The following FGD3 variants were observed in gnomAD, a reference collection of about 807,000 sequenced individuals.
FGD3 encodes FYVE, RhoGEF and PH domain containing 3, also known as FYVE, RhoGEF and PH domain-containing protein 3.
Under a neutral mutation model 71.8 loss-of-function variants are expected in FGD3, and 45 were observed. That is an observed-to-expected ratio of 0.63 (90% CI 0.49 to 0.80). The LOEUF is 0.80. Ranked by LOEUF, FGD3 falls within the 30% of genes least tolerant of loss-of-function variation. The probability of loss-of-function intolerance (pLI) is 0.00; values close to 1 mark genes in which losing one functional copy is unlikely to be tolerated. For missense variants in FGD3, 844 were observed against 951.5 expected (o/e 0.89, Z 1.49); for synonymous variants, 378 against 392.8 (o/e 0.96, Z 0.44).
intron 9 of FGD3, among the ~76,000 whole-genome samples, 171 bp downstream of exon 9, chr9:93,014,169 G>C (rs1371599829): frequency 1.3e-5 from 2 of 152,084 alleles, no homozygotes; most frequent in Non-Finnish European, 2.9e-5. Context: ...CCAGCCATAG[G>C]GAGCCTCCCT....
chr9:92,972,203 C>T (rs1266615110), intron 1 of FGD3, among the ~76,000 whole-genome samples: 1 of 151,776 alleles, frequency 6.6e-6, no homozygotes, highest in Non-Finnish European at 1.5e-5. Flanking sequence ...AATCCCAGCA[C>T]TTTGGGAGGC....
intron 5 of FGD3, 32 bp downstream of exon 5, chr9:93,004,169 C>T (rs781598786): frequency 6.2e-7 from 1 of 1,610,614 alleles, no homozygotes; most frequent in East Asian, 2.2e-5. Context: ...CCATGGGGCC[C>T]CTCAAGTGTT....
At chr9:92,977,978 A>C (rs1859830656) in intron 3 of FGD3, among the ~76,000 whole-genome samples, 1 of 152,174 alleles carries the variant, frequency 6.6e-6, no homozygotes, top group Non-Finnish European at 1.5e-5. Context: ...CACACCATAC[A>C]CTTAAAGAAT....
intron 14 of FGD3, among the ~76,000 whole-genome samples, chr9:93,027,481 C>A (rs1238950619): frequency 1.3e-5 from 2 of 152,044 alleles, no homozygotes; most frequent in African/African-American, 4.8e-5. Flanking sequence ...ATAAAGACAC[C>A]AGTAAGATTG....
intron 1 of FGD3, among the ~76,000 whole-genome samples, chr9:92,960,496 C>A (rs969615911): frequency 3.9e-5 from 6 of 152,140 alleles, no homozygotes; most frequent in Non-Finnish European, 7.4e-5. Context: ...GGTAAGATGG[C>A]TTCCCTGAAA....
chr9:93,032,936 C>T (rs756975581), intron 16 of FGD3, 63 bp downstream of exon 16: 16 of 1,452,662 alleles, frequency 1.1e-5, no homozygotes, highest in Non-Finnish European at 1.5e-5. Context: ...ACACCTGCTC[C>T]TGTGCCCCAG....
chr9:92,952,855 C>T (rs1001583649), intron 1 of FGD3, among the ~76,000 whole-genome samples: 7 of 152,192 alleles, frequency 4.6e-5, no homozygotes, highest in Non-Finnish European at 4.4e-5. Context: ...CTTCTTCCCC[C>T]GAGGTCCTCC....
intron 3 of FGD3, among the ~76,000 whole-genome samples, chr9:92,982,377 C>T (rs1860029525): frequency 6.6e-6 from 1 of 152,180 alleles, no homozygotes; most frequent in Non-Finnish European, 1.5e-5. Flanking sequence ...TCCTTATTCA[C>T]TCATCTGTTG....
chr9:93,035,279 G>A, intron 17 of FGD3, 59 bp from the exon 18 acceptor site: 2 of 1,566,122 alleles, frequency 1.3e-6, no homozygotes, highest in East Asian at 2.3e-5. Flanking sequence ...CCCCATCACT[G>A]AGGTGAGCCC....
rs143800227 is a variant in FGD3 at position 93,034,146 on chromosome 9, GGT to G, written c.1786-381_1786-380del. 2.4e-3 allele frequency: 382 copies of G among 161,466 alleles called. 2 individuals carry two copies. Among genetic ancestry groups the G allele is most frequent in the African/African-American group, 7.4e-3 (311 of 41,802 alleles). 10.0% of individuals were successfully genotyped at this position (161,466 alleles called of 1,614,324 possible). ...TGACAGAGGGAGGGCCTGTGTGTGT[GGT>G]GTGTGTGTGTGTGCTGTGTGTGCAC... On this transcript the variant is annotated intron_variant, in intron 16 of 17. Transcript: ENST00000375482.
intron 13 of FGD3, 53 bp downstream of exon 13, chr9:93,020,477 G>A (rs772962603): frequency 5.3e-6 from 8 of 1,517,702 alleles, no homozygotes; most frequent in Non-Finnish European, 7.2e-6. Context: ...GGCTACCTGT[G>A]GAGAGCAGAA....
At chr9:92,999,231 A>C (rs1469665591) in intron 3 of FGD3, among the ~76,000 whole-genome samples, 1 of 152,194 alleles carries the variant, frequency 6.6e-6, no homozygotes, top group Non-Finnish European at 1.5e-5. Context: ...ACTGCTGTGC[A>C]AGCAGTGAGC....
chr9:93,014,841 C>G (rs1861602409), intron 9 of FGD3, among the ~76,000 whole-genome samples: 1 of 152,016 alleles, frequency 6.6e-6, no homozygotes, highest in Non-Finnish European at 1.5e-5. Flanking sequence ...GGGGTTTCAC[C>G]ATGTTTATCA....
chr9:93,015,421 A>C (rs1232792400), intron 9 of FGD3, among the ~76,000 whole-genome samples: 2 of 152,156 alleles, frequency 1.3e-5, no homozygotes, highest in Non-Finnish European at 1.5e-5. Flanking sequence ...GCGCCATTGC[A>C]CTTCAGACTG....
At chr9:92,996,120 G>A (rs1470508599) in intron 3 of FGD3, among the ~76,000 whole-genome samples, 1 of 151,970 alleles carries the variant, frequency 6.6e-6, no homozygotes, top group Non-Finnish European at 1.5e-5. Context: ...ACTTTTTTTG[G>A]TTGGTAGGCT....
rs543084424 is a variant in FGD3 at position 92,965,404 on chromosome 9, G to C, written c.-217-9834G>C. 6.6e-5 allele frequency among the ~76,000 whole-genome samples: 10 copies of C among 152,346 alleles called. No homozygotes were observed. In the East Asian group the frequency reaches 1.5e-3, roughly 24 times the overall value. ...CTGCAAAGTGTCTGACTGAGCCCCA[G>C]TACAAATCTTCACAACTTGCTCAGT... On this transcript the variant is annotated intron_variant, in intron 1 of 17. Transcript: ENST00000375482.
intron 17 of FGD3, among the ~76,000 whole-genome samples, chr9:93,035,073 A>C (rs1349345011): frequency 6.6e-6 from 1 of 152,168 alleles, no homozygotes; most frequent in Non-Finnish European, 1.5e-5. Flanking sequence ...AGCCCAAAGA[A>C]GGCCATGGAG....
At chr9:92,997,232 G>A (rs1017227671) in intron 3 of FGD3, among the ~76,000 whole-genome samples, 8 of 152,096 alleles carry the variant, frequency 5.3e-5, no homozygotes, top group Non-Finnish European at 2.9e-5. Flanking sequence ...TTATGCAATG[G>A]CCTTCTTTGT....
intron 9 of FGD3, 130 bp from the exon 10 acceptor site, chr9:93,015,607 C>A: frequency 1.7e-6 from 1 of 603,908 alleles, no homozygotes; most frequent in Non-Finnish European, 3.0e-6. Context: ...CTGCACATAT[C>A]TTTTAAAAAT....
Sources: allele counts gnomAD v4.1 joint callset (sites outside exome capture counted in the v4.1 genomes callset), GRCh38; gene constraint gnomAD v4.1.1; transcripts MANE v1.5; gene names NCBI Gene and HGNC (gene_info 2026-07-23, HGNC 2026-07-21).